FYN: variants seen among roughly 807,000 people sequenced by gnomAD.
FYN encodes the protein FYN proto-oncogene, Src family tyrosine kinase.
FYN carries 10 observed loss-of-function variants against 70.2 expected under a neutral mutation model. The ratio of observed to expected loss-of-function variants is 0.14; its 90% CI spans 0.09 to 0.24. The LOEUF (loss-of-function observed/expected upper bound fraction) is 0.24, where lower values mean the gene tolerates loss of function less well. Among genes scored for constraint, FYN ranks in the 10% least tolerant of loss-of-function variants. The pLI is 1.00. For missense variants in FYN, 319 were observed against 673.1 expected (o/e 0.47, Z 5.82); for synonymous variants, 236 against 248.6 (o/e 0.95, Z 0.48).
intron 13 of FYN, among the ~76,000 whole-genome samples, chr6:111,674,140 C>A (rs886316209): frequency 6.6e-6 from 1 of 152,168 alleles, no homozygotes; most frequent in African/African-American, 2.4e-5. Flanking sequence ...CTTTCCCAGA[C>A]ATGTCTGCAA....
chr6:111,788,101 C>T (rs562782564), intron 2 of FYN, among the ~76,000 whole-genome samples: 5 of 152,296 alleles, frequency 3.3e-5, no homozygotes, highest in South Asian at 4.2e-4. Context: ...ACCTGTCCCT[C>T]AAGCCAGCTC....
At chr6:111,819,202 A>G (rs900758530) in intron 2 of FYN, among the ~76,000 whole-genome samples, 2 of 152,196 alleles carry the variant, frequency 1.3e-5, no homozygotes, top group Non-Finnish European at 2.9e-5. Context: ...CCCTACATCC[A>G]GATGCAGCTT....
At chr6:111,747,572 AT>A (rs1371878226) in intron 3 of FYN, among the ~76,000 whole-genome samples, 1 of 152,244 alleles carries the variant, frequency 6.6e-6, no homozygotes, top group Non-Finnish European at 1.5e-5. Context: ...TCCCCCTGAC[AT>A]TATACACTGC....
intron 8 of FYN, among the ~76,000 whole-genome samples, chr6:111,701,525 G>A (rs1453943876): frequency 6.6e-6 from 1 of 152,148 alleles, no homozygotes; most frequent in East Asian, 1.9e-4. Flanking sequence ...AAGAGGGAAA[G>A]CCAATATAAA....
rs760174328 is a variant in FYN at position 111,661,778 on chromosome 6, G to A, written c.1575C>T (p.Thr525=). The change falls in exon 14 of 14, where the codon ACC becomes ACT. Residue 525 remains threonine, a synonymous_variant. Transcript: ENST00000354650. The surrounding 1 kb of genome is among the most constrained non-coding windows in gnomAD (Gnocchi z 4.0). ...CAGGTTGGTACTGGGGCTCTGTCGC[G>A]GTAAAGTAGTCTTCCAGGAAGCTCT... ...YLQSFLEDYF[T]ATEPQYQPGE... The A allele has an allele frequency of 6.8e-6, 11 of 1,614,022 alleles. No individual in the cohort carries two copies. Among genetic ancestry groups the A allele is most frequent in the South Asian group, 2.2e-5 (2 of 91,088 alleles).
chr6:111,673,025 C>T (rs1798357023), intron 13 of FYN, among the ~76,000 whole-genome samples: 1 of 152,198 alleles, frequency 6.6e-6, no homozygotes, highest in South Asian at 2.1e-4. Flanking sequence ...CGCAAAACAA[C>T]ATTAACCTTT....
intron 6 of FYN, among the ~76,000 whole-genome samples, chr6:111,705,304 GGT>G (rs1334859571): frequency 6.6e-6 from 1 of 151,910 alleles, no homozygotes; most frequent in Non-Finnish European, 1.5e-5. Context: ...TCCTCCCCTA[GGT>G]GTGTGAGGAC....
intron 9 of FYN, among the ~76,000 whole-genome samples, chr6:111,698,292 C>T (rs1239751523): frequency 6.6e-6 from 1 of 152,128 alleles, no homozygotes; most frequent in Non-Finnish European, 1.5e-5. Context: ...CACCACCATG[C>T]CCGGCTAATT....
At chr6:111,796,634 A>G (rs1467330592) in intron 2 of FYN, among the ~76,000 whole-genome samples, 1 of 152,228 alleles carries the variant, frequency 6.6e-6, no homozygotes, top group Non-Finnish European at 1.5e-5. Context: ...TTTATCATAC[A>G]TCCAATAAAC....
At chr6:111,755,051 C>T (rs1802663395) in intron 3 of FYN, among the ~76,000 whole-genome samples, 1 of 150,710 alleles carries the variant, frequency 6.6e-6, no homozygotes, top group African/African-American at 2.4e-5. Context: ...TGAGAATGTC[C>T]CAAAGATGGT....
intron 3 of FYN, among the ~76,000 whole-genome samples, chr6:111,734,648 T>G (rs1183450848): frequency 6.8e-6 from 1 of 146,412 alleles, no homozygotes; most frequent in Non-Finnish European, 1.5e-5. Context: ...CCTTCTGAGC[T>G]GCTGGAGATG....
intron 3 of FYN, among the ~76,000 whole-genome samples, chr6:111,755,449 A>T (rs1306019268): frequency 6.6e-6 from 1 of 152,158 alleles, no homozygotes; most frequent in Non-Finnish European, 1.5e-5. Context: ...TTTTAATAAC[A>T]CCTCTCTTGA....
chr6:111,845,651 C>T (rs1438530709), intron 2 of FYN, among the ~76,000 whole-genome samples: 1 of 152,170 alleles, frequency 6.6e-6, no homozygotes, highest in African/African-American at 2.4e-5. Flanking sequence ...GAGAAATAAC[C>T]CCAAGTCATT....
At chr6:111,791,656 G>C (rs1771626511) in intron 2 of FYN, among the ~76,000 whole-genome samples, 1 of 152,166 alleles carries the variant, frequency 6.6e-6, no homozygotes, top group African/African-American at 2.4e-5. Context: ...CAGAAGCTGG[G>C]AATAGGCAAG....
intron 1 of FYN, among the ~76,000 whole-genome samples, chr6:111,852,822 A>G (rs1050390635): frequency 2.0e-5 from 3 of 152,218 alleles, no homozygotes; most frequent in African/African-American, 7.2e-5. Context: ...GCCTACTTCT[A>G]TCACAGTCTC....
chr6:111,777,033 GA>G (rs1284599537), intron 3 of FYN, among the ~76,000 whole-genome samples: 2 of 152,192 alleles, frequency 1.3e-5, no homozygotes, highest in African/African-American at 2.4e-5. Flanking sequence ...AGCCCAGACT[GA>G]AATACCGTTT....
At chr6:111,666,932 G>A (rs551412136) in intron 13 of FYN, among the ~76,000 whole-genome samples, 11 of 152,238 alleles carry the variant, frequency 7.2e-5, no homozygotes, top group Admixed American at 2.0e-4. Context: ...CATGGTCCCC[G>A]ACATAGCATC....
chr6:111,789,511 T>C (rs1771530414), intron 2 of FYN, among the ~76,000 whole-genome samples: 1 of 152,176 alleles, frequency 6.6e-6, no homozygotes, highest in Non-Finnish European at 1.5e-5. Context: ...CCCAGTTTAT[T>C]TGGGGAATAA....
intron 2 of FYN, chr6:111,798,412 A>T (rs771490273): frequency 1.3e-5 from 2 of 152,200 alleles, no homozygotes; most frequent in African/African-American, 2.4e-5. Flanking sequence ...CCAGGATGAG[A>T]TGACACATTT....
Sources: gnomAD v4.1 joint callset for allele counts (sites outside exome capture counted in the v4.1 genomes callset) on GRCh38, gnomAD v4.1.1 for gene constraint, Gnocchi (gnomAD v3.1) non-coding constraint, MANE v1.5 for transcripts, NCBI Gene and HGNC (gene_info 2026-07-23, HGNC 2026-07-21) for gene names.